Variants in EPN2 observed in about 807,000 individuals in gnomAD.
The protein encoded by EPN2 is epsin-2.
EPN2 carries 34 observed loss-of-function variants against 61.7 expected under a neutral mutation model. That is an observed-to-expected ratio of 0.55 (90% CI 0.42 to 0.73). The LOEUF (loss-of-function observed/expected upper bound fraction) is 0.73, where lower values mean the gene tolerates loss of function less well. EPN2 is among the 30% of genes least tolerant of loss of function. The pLI is 0.00. For missense variants in EPN2, 714 were observed against 839.2 expected (o/e 0.85, Z 1.84); for synonymous variants, 349 against 353.6 (o/e 0.99, Z 0.15).
At chr17:19,250,244 G>A (rs1410802088) in intron 1 of EPN2, among the ~76,000 whole-genome samples, 4 of 152,024 alleles carry the variant, frequency 2.6e-5, no homozygotes, top group Middle Eastern at 3.4e-3. Flanking sequence ...ACAGGTGTGC[G>A]CGACCATGCC....
In EPN2 at chr17:19,336,633, A is replaced by G. The variant is rs1007025385; in HGVS notation, c.*2379A>G. 6.6e-6 allele frequency: 1 copy of G among 152,176 alleles called. No individual in the cohort carries two copies. The highest frequency in any genetic ancestry group is 2.4e-5 in the African/African-American group (1 of 41,296). 9.4% of individuals were successfully genotyped at this position (152,176 alleles called of 1,614,324 possible). A position where few individuals can be genotyped will look rare whatever the true frequency, so the allele number is the denominator to read the frequency against. On this transcript the variant is annotated 3_prime_UTR_variant, in exon 11 of 11. Coordinates refer to ENST00000314728, the MANE Select transcript of EPN2 (RefSeq NM_014964.5). The stretch of plus-strand genomic sequence containing the variant: ...AGTCACCCAGCTGTTTCTCAGTCCC[A>G]GAGGCCGGTGGCTGGTTTTGAACTT...
intron 10 of EPN2, among the ~76,000 whole-genome samples, chr17:19,332,646 A>C (rs957336532): frequency 2.0e-5 from 3 of 152,090 alleles, no homozygotes; most frequent in Non-Finnish European, 4.4e-5. Flanking sequence ...CCCTTGTGAC[A>C]TCCAGCCCCT....
chr17:19,309,870 G>C lies in EPN2; in HGVS notation c.767-15G>C. 6.3e-7 allele frequency: 1 copy of C among 1,598,900 alleles called. No homozygotes were observed. The highest frequency in any genetic ancestry group is 8.5e-7 in the Non-Finnish European group (1 of 1,175,514). On this transcript the variant is annotated splice_polypyrimidine_tract_variant and intron_variant, in intron 4 of 10. Transcript: ENST00000314728. Reference sequence around the variant, plus strand: ...CCTTGTCTTTTGCATATGATGACTTGGTCTTCCCCAACAGCCACCTCCCCG... The same window carrying C: ...CCTTGTCTTTTGCATATGATGACTTCGTCTTCCCCAACAGCCACCTCCCCG...
chr17:19,247,079 C>T (rs1437195071), intron 1 of EPN2, among the ~76,000 whole-genome samples: 1 of 152,108 alleles, frequency 6.6e-6, no homozygotes, highest in Non-Finnish European at 1.5e-5. Context: ...CCCCTGTGTG[C>T]CTTTTTGATA....
chr17:19,286,273 TG>T (rs1168886380), intron 4 of EPN2, among the ~76,000 whole-genome samples: 5 of 151,104 alleles, frequency 3.3e-5, no homozygotes, highest in Non-Finnish European at 7.4e-5. Context: ...CTGAATAAAA[TG>T]GGATTTTTTT....
At chr17:19,261,524 C>G (rs1234422597) in intron 1 of EPN2, among the ~76,000 whole-genome samples, 1 of 152,154 alleles carries the variant, frequency 6.6e-6, no homozygotes, top group African/African-American at 2.4e-5. Context: ...TTATTCTGAT[C>G]TAGGCAGAGT....
intron 1 of EPN2, among the ~76,000 whole-genome samples, chr17:19,245,944 C>T (rs1296582766): frequency 6.6e-6 from 1 of 152,040 alleles, no homozygotes. Flanking sequence ...GGATTACAGG[C>T]GTGAGCCACC....
intron 1 of EPN2, among the ~76,000 whole-genome samples, chr17:19,248,875 A>G (rs1286741221): frequency 6.6e-6 from 1 of 152,220 alleles, no homozygotes; most frequent in Admixed American, 6.5e-5. Context: ...GAACCTGGGA[A>G]CCAGAGAAGG....
Position 19,330,384 on chromosome 17 carries a change from C to T in EPN2, c.1411+737C>T, listed in dbSNP as rs147227665. 6.4e-3 allele frequency among the ~76,000 whole-genome samples: 978 copies of T among 152,222 alleles called. 10 individuals are homozygous for T. Among genetic ancestry groups the T allele is most frequent in the African/African-American group, 0.022 (918 of 41,522 alleles). ...CTCTATCCCAGTCTCTTCTTTTTCTCCCTTCTCTTTTATCCCTCCCTACCA... is the reference window on the plus strand; with the variant it reads ...CTCTATCCCAGTCTCTTCTTTTTCTTCCTTCTCTTTTATCCCTCCCTACCA... On this transcript the variant is annotated intron_variant, in intron 9 of 10. Coordinates refer to ENST00000314728, the MANE Select transcript of EPN2 (RefSeq NM_014964.5).
intron 4 of EPN2, among the ~76,000 whole-genome samples, chr17:19,286,836 C>T (rs2045409615): frequency 6.6e-6 from 1 of 152,160 alleles, no homozygotes; most frequent in Non-Finnish European, 1.5e-5. Context: ...TAAGGAAGGC[C>T]AGCTCTGCAC....
At chr17:19,244,380 A>T (rs1450328867) in intron 1 of EPN2, among the ~76,000 whole-genome samples, 1 of 151,614 alleles carries the variant, frequency 6.6e-6, no homozygotes, top group Non-Finnish European at 1.5e-5. Flanking sequence ...AATTGCTTGA[A>T]CCTGGGAGGC....
At chr17:19,268,079 C>A (rs2045218074) in intron 1 of EPN2, among the ~76,000 whole-genome samples, 1 of 152,194 alleles carries the variant, frequency 6.6e-6, no homozygotes, top group Non-Finnish European at 1.5e-5. Context: ...AGGTGTGTCT[C>A]CCTGAGGGTT....
Position 19,283,814 on chromosome 17 carries a change from A to T in EPN2, c.595+100A>T. On this transcript the variant is annotated intron_variant, in intron 3 of 10. Coordinates refer to ENST00000314728, the MANE Select transcript of EPN2 (RefSeq NM_014964.5). The surrounding 1 kb of genome is among the most constrained non-coding windows in gnomAD (Gnocchi z 7.0). ...GCTTAGGGAGTGGTGGCCACTGCAG[A>T]GCTCGAACCTGTCCTCAGTACCCAG... is the stretch of plus-strand genomic sequence containing the variant. 1.2e-6 allele frequency: 1 copy of T among 858,796 alleles called. No homozygotes were observed. The highest frequency in any genetic ancestry group is 1.7e-6 in the Non-Finnish European group (1 of 571,932). 53.2% of individuals were successfully genotyped at this position (858,796 alleles called of 1,614,324 possible).
Position 19,283,277 on chromosome 17 carries a change from T to C in EPN2, c.158T>C (p.Phe53Ser). The C allele has an allele frequency of 6.2e-7, 1 of 1,613,990 alleles. No individual in the cohort carries two copies. The highest frequency in any genetic ancestry group is 1.3e-5 in the African/African-American group (1 of 74,968). Residue 53 changes from phenylalanine (F) to serine (S), a missense_variant, in exon 3 of 11, where the codon TTC (phenylalanine) becomes TCC (serine). Transcript: ENST00000314728. The surrounding 1 kb of genome is among the most constrained non-coding windows in gnomAD (Gnocchi z 7.0). ...GACCTGACCTACAACGTGGTGGCCT[T>C]CTCGGAGATCATGAGCATGGTGTGG... ...IADLTYNVVA[F>S]SEIMSMVWKR...
intron 7 of EPN2, among the ~76,000 whole-genome samples, chr17:19,318,741 GT>G (rs770956558): frequency 3.4e-4 from 51 of 152,052 alleles, no homozygotes; most frequent in Non-Finnish European, 6.2e-4. Context: ...CTCTGGAATA[GT>G]TTCAGGTGGC....
chr17:19,241,355 C>T (rs562940309), intron 1 of EPN2, among the ~76,000 whole-genome samples: 41 of 152,186 alleles, frequency 2.7e-4, no homozygotes, highest in Admixed American at 5.2e-4. Flanking sequence ...GAGGCCAAAG[C>T]GGCCGGATCA....
chr17:19,319,591 A>G (rs1333435222), intron 7 of EPN2, among the ~76,000 whole-genome samples: 2 of 151,834 alleles, frequency 1.3e-5, no homozygotes, highest in Non-Finnish European at 2.9e-5. Context: ...TTGGCCTGCC[A>G]AAGTGCTAGG....
At chr17:19,250,338 C>T (rs944840463) in intron 1 of EPN2, among the ~76,000 whole-genome samples, 16 of 152,052 alleles carry the variant, frequency 1.1e-4, no homozygotes, top group Non-Finnish European at 2.2e-4. Flanking sequence ...TCAAGTGATC[C>T]GCCTGTATCA....
intron 1 of EPN2, among the ~76,000 whole-genome samples, chr17:19,267,820 C>T (rs1451690304): frequency 6.6e-6 from 1 of 152,178 alleles, no homozygotes; most frequent in African/African-American, 2.4e-5. Flanking sequence ...GGATTACAGG[C>T]AGGAGCCACC....
Sources: gnomAD v4.1 joint callset for allele counts (sites outside exome capture counted in the v4.1 genomes callset) on GRCh38, gnomAD v4.1.1 for gene constraint, Gnocchi (gnomAD v3.1) non-coding constraint, MANE v1.5 for transcripts, NCBI Gene and HGNC (gene_info 2026-07-23, HGNC 2026-07-21) for gene names.